The following CACNB4 variants were observed in gnomAD, a reference collection of about 807,000 sequenced individuals.
CACNB4 encodes voltage-dependent L-type calcium channel subunit beta-4.
In CACNB4, 32 loss-of-function variants were observed where a neutral mutation model predicts 71.2. That is an observed-to-expected ratio of 0.45 (90% CI 0.34 to 0.60). The LOEUF (loss-of-function observed/expected upper bound fraction) is 0.60, where lower values mean the gene tolerates loss of function less well. Ranked by LOEUF, CACNB4 falls within the 20% of genes least tolerant of loss-of-function variation. The probability of loss-of-function intolerance (pLI) is 0.01; values close to 1 mark genes in which losing one functional copy is unlikely to be tolerated. For missense variants in CACNB4, 464 were observed against 647.9 expected (o/e 0.72, Z 3.08); for synonymous variants, 231 against 236.9 (o/e 0.97, Z 0.23).
intron 2 of CACNB4, among the ~76,000 whole-genome samples, chr2:152,034,347 G>A (rs1172931507): frequency 2.0e-5 from 3 of 152,172 alleles, no homozygotes; most frequent in South Asian, 2.1e-4. Flanking sequence ...AGTACCTAGT[G>A]AACTAAAAGC....
intron 2 of CACNB4, among the ~76,000 whole-genome samples, chr2:151,886,618 G>C (rs66900149): frequency 6.6e-6 from 1 of 151,808 alleles, no homozygotes; most frequent in Non-Finnish European, 1.5e-5. Flanking sequence ...ATTGGTAGAG[G>C]GAAAAATAAA....
chr2:151,855,949 A>G (rs994971557), intron 10 of CACNB4, among the ~76,000 whole-genome samples: 5 of 152,098 alleles, frequency 3.3e-5, no homozygotes, highest in Non-Finnish European at 5.9e-5. Flanking sequence ...GTTAGATTTA[A>G]GTACGAAAGC....
At chr2:152,007,610 C>T (rs183498868) in intron 2 of CACNB4, among the ~76,000 whole-genome samples, 17 of 152,260 alleles carry the variant, frequency 1.1e-4, no homozygotes, top group Admixed American at 1.1e-3. Flanking sequence ...TTTCTTTAGC[C>T]ATCCGTCTGT....
chr2:152,098,661 C>T lies in CACNB4; in HGVS notation c.64-248G>A, dbSNP rs756546179. The T allele has an allele frequency of 4.5e-6, 7 of 1,566,878 alleles. No homozygotes were observed. Among genetic ancestry groups the T allele is most frequent in the Non-Finnish European group, 5.2e-6 (6 of 1,155,954 alleles). ...CCCACCACATCCATTAACAAAGACT[C>T]TCAGGGTGCGGGGTCCGAGTCCCCG... On this transcript the variant is annotated intron_variant, in intron 1 of 13. Transcript: ENST00000539935. The surrounding 1 kb of genome is among the most constrained non-coding windows in gnomAD (Gnocchi z 5.3).
chr2:151,880,926 G>C lies in CACNB4; in HGVS notation c.268-4C>G. On this transcript the variant is annotated splice_region_variant and splice_polypyrimidine_tract_variant and intron_variant, in intron 3 of 13. Transcript: ENST00000539935. ...CGGCAAATGCTACAGGTTTGGACTAGGGACAGAACCATGGAATAAGGAATG... is the reference window on the plus strand; with the variant it reads ...CGGCAAATGCTACAGGTTTGGACTACGGACAGAACCATGGAATAAGGAATG... 1.3e-6 allele frequency: 2 copies of C among 1,599,852 alleles called. No individual in the cohort carries two copies. Among genetic ancestry groups the C allele is most frequent in the South Asian group, 1.1e-5 (1 of 88,674 alleles).
At chr2:151,850,481 T>G (rs1405826419) in intron 12 of CACNB4, 2 of 152,186 alleles carry the variant, frequency 1.3e-5, no homozygotes, top group Non-Finnish European at 2.9e-5. Context: ...ATAACTGACC[T>G]GTTGCCATTC....
chr2:151,895,597 G>A (rs531730766), intron 2 of CACNB4, among the ~76,000 whole-genome samples: 89 of 151,398 alleles, frequency 5.9e-4, no homozygotes, highest in Admixed American at 2.0e-3. Flanking sequence ...TTTTACCTTC[G>A]GAATTTTTAA....
intron 2 of CACNB4, among the ~76,000 whole-genome samples, chr2:151,954,255 C>T (rs574475185): frequency 2.0e-5 from 3 of 152,192 alleles, no homozygotes; most frequent in Non-Finnish European, 4.4e-5. Flanking sequence ...CCGTCCTATT[C>T]CTTAGTTCTT....
intron 9 of CACNB4, chr2:151,868,564 T>C (rs2099843766): frequency 1.3e-5 from 2 of 152,280 alleles, no homozygotes; most frequent in South Asian, 2.1e-4. Flanking sequence ...GCCTGAGCCA[T>C]ATTGTTGATG....
chr2:151,868,304 A>C (rs1384393769), intron 9 of CACNB4: 1 of 152,172 alleles, frequency 6.6e-6, no homozygotes, highest in Non-Finnish European at 1.5e-5. Context: ...TTTTTCTTCA[A>C]TCCTACAGTA....
chr2:151,891,739 G>C (rs2099850757), intron 2 of CACNB4, among the ~76,000 whole-genome samples: 2 of 152,168 alleles, frequency 1.3e-5, no homozygotes, highest in African/African-American at 4.8e-5. Flanking sequence ...TGTAACAGTA[G>C]GGACAGTGAG....
At chr2:152,090,059 T>C (rs1473657300) in intron 2 of CACNB4, among the ~76,000 whole-genome samples, 1 of 152,212 alleles carries the variant, frequency 6.6e-6, no homozygotes, top group Admixed American at 6.5e-5. Context: ...TGCTTTATTC[T>C]GAGTCAGAGC....
chr2:151,963,913 A>AC (rs548710336), intron 2 of CACNB4, among the ~76,000 whole-genome samples: 53 of 152,184 alleles, frequency 3.5e-4, no homozygotes, highest in African/African-American at 1.2e-3. Context: ...TACTAAAAAT[A>AC]CAAAAATTAG....
At chr2:152,075,787 G>A (rs1456056553) in intron 2 of CACNB4, among the ~76,000 whole-genome samples, 2 of 152,140 alleles carry the variant, frequency 1.3e-5, no homozygotes, top group Non-Finnish European at 2.9e-5. Flanking sequence ...CAGGAACTCA[G>A]GCATCGAATA....
intron 2 of CACNB4, among the ~76,000 whole-genome samples, chr2:152,035,665 A>ATATATATATG (rs1236830827): frequency 1.4e-5 from 2 of 141,620 alleles, no homozygotes; most frequent in African/African-American, 5.5e-5. Context: ...ATATATATAT[A>ATATATATATG]TATGTATGTA....
At chr2:151,882,895 C>A in intron 3 of CACNB4, 1 of 336,838 alleles carries the variant, frequency 3.0e-6, no homozygotes, top group South Asian at 2.6e-5. Flanking sequence ...CACGTGTGGC[C>A]TGTAATAAAG....
intron 2 of CACNB4, among the ~76,000 whole-genome samples, chr2:152,019,840 TCAAA>T (rs1560137226): frequency 6.6e-6 from 1 of 152,130 alleles, no homozygotes; most frequent in Admixed American, 6.5e-5. Flanking sequence ...TCTGGAAATG[TCAAA>T]CAACTCACAC....
chr2:152,093,498 CT>C (rs1048811713), intron 2 of CACNB4, among the ~76,000 whole-genome samples: 17 of 151,726 alleles, frequency 1.1e-4, no homozygotes, highest in Admixed American at 9.9e-4. Flanking sequence ...TCTGTTTTCT[CT>C]TTTGTTGCAA....
intron 11 of CACNB4, chr2:151,854,022 C>T (rs1392052457): frequency 6.5e-6 from 1 of 154,180 alleles, no homozygotes; most frequent in African/African-American, 2.4e-5. Flanking sequence ...TGATTGGAGA[C>T]CCAGGCAAAA....
Sources: gnomAD v4.1 joint callset for allele counts (sites outside exome capture counted in the v4.1 genomes callset) on GRCh38, gnomAD v4.1.1 for gene constraint, Gnocchi (gnomAD v3.1) non-coding constraint, MANE v1.5 for transcripts, NCBI Gene and HGNC (gene_info 2026-07-23, HGNC 2026-07-21) for gene names.